MAMDC2: variants seen among roughly 807,000 people sequenced by gnomAD.
MAMDC2 encodes MAM domain-containing protein 2.
MAMDC2 carries 57 observed loss-of-function variants against 89.8 expected under a neutral mutation model. The ratio of observed to expected loss-of-function variants is 0.63; its 90% CI spans 0.51 to 0.79. The LOEUF (loss-of-function observed/expected upper bound fraction) is 0.79, where lower values mean the gene tolerates loss of function less well. MAMDC2 is among the 30% of genes least tolerant of loss of function. The pLI is 0.00. For missense variants in MAMDC2, 800 were observed against 820.6 expected (o/e 0.97, Z 0.31); for synonymous variants, 313 against 293.4 (o/e 1.07, Z -0.68).
chr9:70,142,111 A>T (rs2031244887), intron 8 of MAMDC2, among the ~76,000 whole-genome samples: 1 of 152,186 alleles, frequency 6.6e-6, no homozygotes. Flanking sequence ...AGTAGAAAGA[A>T]ATGAAGAGTG....
chr9:70,118,694 G>C (rs760302854), intron 5 of MAMDC2, among the ~76,000 whole-genome samples: 1 of 152,106 alleles, frequency 6.6e-6, no homozygotes, highest in Non-Finnish European at 1.5e-5. Flanking sequence ...TATACCGGAC[G>C]CAGCTTTTGC....
At chr9:70,085,077 A>T (rs936952847) in intron 2 of MAMDC2, among the ~76,000 whole-genome samples, 2 of 152,130 alleles carry the variant, frequency 1.3e-5, no homozygotes, top group African/African-American at 4.8e-5. Context: ...AAGGGTAAAC[A>T]TTAAGACATT....
intron 5 of MAMDC2, among the ~76,000 whole-genome samples, chr9:70,118,434 T>G (rs990455601): frequency 6.6e-6 from 1 of 151,990 alleles, no homozygotes; most frequent in East Asian, 1.9e-4. Context: ...CTAAAATATT[T>G]TATTTGAAAA....
intron 2 of MAMDC2, among the ~76,000 whole-genome samples, chr9:70,058,461 G>T (rs1455846508): frequency 6.6e-6 from 1 of 152,168 alleles, no homozygotes; most frequent in Non-Finnish European, 1.5e-5. Context: ...TAACCCATAT[G>T]GAGTGGTTTC....
At chr9:70,110,437 T>C (rs1828477429) in intron 4 of MAMDC2, among the ~76,000 whole-genome samples, 1 of 151,956 alleles carries the variant, frequency 6.6e-6, no homozygotes. Context: ...GAGGACTGAA[T>C]AGGGACAGTG....
At chr9:70,218,199 A>G in intron 11 of MAMDC2, 138 bp from the exon 12 acceptor site, 3 of 851,628 alleles carry the variant, frequency 3.5e-6, no homozygotes, top group Non-Finnish European at 5.2e-6. Context: ...GATAATATGC[A>G]TTCTTCAAAA....
intron 2 of MAMDC2, among the ~76,000 whole-genome samples, chr9:70,047,004 G>A (rs1452861162): frequency 1.3e-5 from 2 of 152,156 alleles, no homozygotes; most frequent in Non-Finnish European, 2.9e-5. Flanking sequence ...CCCATTTCTA[G>A]GTTGGTAAAT....
chr9:70,080,275 T>A (rs569089725), intron 2 of MAMDC2, among the ~76,000 whole-genome samples: 2 of 152,326 alleles, frequency 1.3e-5, no homozygotes, highest in South Asian at 2.1e-4. Flanking sequence ...GAAACATTAT[T>A]TTTAAAGCTT....
intron 11 of MAMDC2, among the ~76,000 whole-genome samples, chr9:70,173,271 A>G (rs946838714): frequency 6.6e-6 from 1 of 152,120 alleles, no homozygotes; most frequent in Non-Finnish European, 1.5e-5. Context: ...CTCTGATTGG[A>G]AATGTCTTGA....
At chr9:70,139,976 G>A (rs540963474) in intron 7 of MAMDC2, among the ~76,000 whole-genome samples, 169 bp from the exon 8 acceptor site, 5 of 152,048 alleles carry the variant, frequency 3.3e-5, no homozygotes, top group Non-Finnish European at 7.3e-5. Context: ...TTGAAATGTT[G>A]GTTTGATTCT....
intron 11 of MAMDC2, among the ~76,000 whole-genome samples, chr9:70,184,452 C>T (rs2032707318): frequency 6.6e-6 from 1 of 152,092 alleles, no homozygotes; most frequent in Non-Finnish European, 1.5e-5. Context: ...GGGAAGTTCT[C>T]CTGGATAATA....
chr9:70,111,280 A>C (rs1411406558), intron 4 of MAMDC2, among the ~76,000 whole-genome samples: 3 of 152,238 alleles, frequency 2.0e-5, no homozygotes, highest in Non-Finnish European at 4.4e-5. Context: ...CTGGTTATGA[A>C]AATAATTGGT....
chr9:70,080,357 A>G (rs190505975), intron 2 of MAMDC2, among the ~76,000 whole-genome samples: 3 of 152,332 alleles, frequency 2.0e-5, no homozygotes, highest in Admixed American at 6.5e-5. Flanking sequence ...ACACACATTC[A>G]TGCATGTGAC....
At chr9:70,064,584 TGTGA>T (rs1827222359) in intron 2 of MAMDC2, among the ~76,000 whole-genome samples, 1 of 152,168 alleles carries the variant, frequency 6.6e-6, no homozygotes, top group South Asian at 2.1e-4. Context: ...TGTGAGTCTG[TGTGA>T]GTGTGTGTGA....
At chr9:70,111,415 T>C (rs1298628749) in intron 4 of MAMDC2, among the ~76,000 whole-genome samples, 1 of 152,252 alleles carries the variant, frequency 6.6e-6, no homozygotes, top group African/African-American at 2.4e-5. Context: ...GATCACACTC[T>C]GACTTCTTTC....
chr9:70,212,686 C>T (rs1202959540), intron 11 of MAMDC2, among the ~76,000 whole-genome samples: 1 of 152,194 alleles, frequency 6.6e-6, no homozygotes, highest in Non-Finnish European at 1.5e-5. Flanking sequence ...ATGCAGAAAT[C>T]ACCCGTCTTC....
chr9:70,143,205 T>C (rs1296240918), intron 8 of MAMDC2, among the ~76,000 whole-genome samples: 1 of 152,212 alleles, frequency 6.6e-6, no homozygotes, highest in East Asian at 1.9e-4. Context: ...CCTCGGAATG[T>C]ACAATCTAAG....
At chr9:70,217,920 T>C (rs2033479822) in intron 11 of MAMDC2, among the ~76,000 whole-genome samples, 1 of 152,154 alleles carries the variant, frequency 6.6e-6, no homozygotes, top group Non-Finnish European at 1.5e-5. Flanking sequence ...TAGACCAGAA[T>C]CACATAAACA....
intron 11 of MAMDC2, among the ~76,000 whole-genome samples, chr9:70,181,133 A>C (rs1318950282): frequency 1.3e-5 from 2 of 152,036 alleles, no homozygotes; most frequent in Non-Finnish European, 2.9e-5. Flanking sequence ...GCTTGTTTTT[A>C]TCAGGTTTGT....
Sources: gnomAD v4.1 joint callset for allele counts (sites outside exome capture counted in the v4.1 genomes callset) on GRCh38, gnomAD v4.1.1 for gene constraint, MANE v1.5 for transcripts, NCBI Gene and HGNC (gene_info 2026-07-23, HGNC 2026-07-21) for gene names.